TINAG: variants seen among roughly 807,000 people sequenced by gnomAD.
TINAG encodes the protein tubulointerstitial nephritis antigen.
Under a neutral mutation model 72.7 loss-of-function variants are expected in TINAG, and 83 were observed. The observed-to-expected ratio is 1.14, with a 90% confidence interval of 0.96 to 1.37. The LOEUF is 1.37. Ranked by LOEUF, TINAG falls within the 40% of genes most tolerant of loss-of-function variation. The pLI, the probability that TINAG is intolerant of heterozygous loss-of-function variation, is 0.00. For missense variants in TINAG, 685 were observed against 576.6 expected, an observed-to-expected ratio of 1.19 and a Z score of -1.93; for synonymous variants, 234 against 189.9, an observed-to-expected ratio of 1.23 and a Z score of -1.91.
chr6:54,376,586 A>G (rs1052190476), intron 9 of TINAG, among the ~76,000 whole-genome samples: 2 of 152,310 alleles, frequency 1.3e-5, no homozygotes, highest in Middle Eastern at 3.4e-3. Context: ...TTCTGTTCCA[A>G]TAATTTTACT....
chr6:54,344,021 A>T (rs1419591957), intron 5 of TINAG, among the ~76,000 whole-genome samples: 2 of 152,198 alleles, frequency 1.3e-5, no homozygotes, highest in Non-Finnish European at 2.9e-5. Flanking sequence ...AGGTCTCCAA[A>T]ATTGTCCTCA....
intron 9 of TINAG, among the ~76,000 whole-genome samples, chr6:54,379,413 C>T (rs1311361977): frequency 4.6e-5 from 7 of 152,148 alleles, no homozygotes; most frequent in South Asian, 2.1e-4. Context: ...AAATCGTGTA[C>T]GTTTAGGTTT....
At chr6:54,369,328 A>G (rs1450399202) in intron 9 of TINAG, among the ~76,000 whole-genome samples, 1 of 151,934 alleles carries the variant, frequency 6.6e-6, no homozygotes, top group East Asian at 1.9e-4. Flanking sequence ...GTCTATTGAT[A>G]TGGAAAGAAA....
At chr6:54,332,101 G>A (rs183073297) in intron 4 of TINAG, among the ~76,000 whole-genome samples, 13 of 152,192 alleles carry the variant, frequency 8.5e-5, no homozygotes, top group East Asian at 1.9e-4. Flanking sequence ...TTTCTTCACA[G>A]AATTAGAAAA....
intron 3 of TINAG, among the ~76,000 whole-genome samples, 162 bp from the exon 4 acceptor site, chr6:54,326,640 A>T (rs1259618772): frequency 6.6e-6 from 1 of 152,230 alleles, no homozygotes; most frequent in Non-Finnish European, 1.5e-5. Context: ...AAAATAATCA[A>T]TAATGCATCA....
At chr6:54,340,211 A>G (rs1784964200) in intron 4 of TINAG, among the ~76,000 whole-genome samples, 1 of 152,134 alleles carries the variant, frequency 6.6e-6, no homozygotes, top group African/African-American at 2.4e-5. Context: ...GCTAATACTG[A>G]TTTGGAAATA....
chr6:54,368,271 T>C (rs927090449), intron 9 of TINAG, among the ~76,000 whole-genome samples: 2 of 147,766 alleles, frequency 1.4e-5, no homozygotes, highest in East Asian at 2.0e-4. Flanking sequence ...TAATGTATTA[T>C]ATATAACATA....
At chr6:54,311,956 TA>T (rs1398900889) in intron 1 of TINAG, among the ~76,000 whole-genome samples, 2 of 152,234 alleles carry the variant, frequency 1.3e-5, no homozygotes, top group African/African-American at 4.8e-5. Flanking sequence ...CTCTGATTTT[TA>T]AAAATATCCT....
chr6:54,356,150 C>T (rs1357092771), intron 9 of TINAG, among the ~76,000 whole-genome samples: 1 of 151,788 alleles, frequency 6.6e-6, no homozygotes, highest in Non-Finnish European at 1.5e-5. Flanking sequence ...GAACAAGGTG[C>T]TTGCCTTAAT....
At chr6:54,365,347 A>G (rs1347406029) in intron 9 of TINAG, 1 of 151,620 alleles carries the variant, frequency 6.6e-6, no homozygotes, top group Non-Finnish European at 1.5e-5. Context: ...GACTCAAAAT[A>G]TTTAATAATT....
intron 3 of TINAG, among the ~76,000 whole-genome samples, chr6:54,322,142 T>C (rs1435157535): frequency 6.6e-6 from 1 of 151,910 alleles, no homozygotes; most frequent in Non-Finnish European, 1.5e-5. Flanking sequence ...CCATCTCTAC[T>C]AAAAATACAG....
intron 4 of TINAG, among the ~76,000 whole-genome samples, chr6:54,337,726 G>A (rs137884357): frequency 1.2e-4 from 18 of 152,164 alleles, no homozygotes; most frequent in African/African-American, 4.1e-4. Flanking sequence ...GAGCAATAAC[G>A]ACCATTTTCT....
chr6:54,358,922 G>A (rs1329911534), intron 9 of TINAG, among the ~76,000 whole-genome samples: 1 of 151,744 alleles, frequency 6.6e-6, no homozygotes, highest in African/African-American at 2.4e-5. Flanking sequence ...ATCTTAAGGG[G>A]TGTTTCTAGA....
chr6:54,351,383 A>G lies in TINAG; in HGVS notation c.1112A>G (p.Asn371Ser). 6.2e-7 allele frequency: 1 copy of G among 1,610,438 alleles called. No individual in the cohort carries two copies. The highest frequency in any genetic ancestry group is 8.5e-7 in the Non-Finnish European group (1 of 1,177,876). The change falls in exon 8 of 11, where the codon AAT becomes AGT. Residue 371 changes from asparagine (N) to serine (S), a missense_variant. Asn to Ser is a conservative substitution (Grantham distance 46, BLOSUM62 1). Transcript: ENST00000259782. ...GAGATAATGAAAGAAATCATGCAAA[A>G]TGGACCAGTTCAAGGTAAGCTTGAA... The part of the protein sequence containing the change: ...ETEIMKEIMQ[N>S]GPVQAIMQVR...
intron 4 of TINAG, among the ~76,000 whole-genome samples, chr6:54,342,520 C>G (rs567361712): frequency 6.6e-6 from 1 of 152,018 alleles, no homozygotes; most frequent in African/African-American, 2.4e-5. Context: ...AGGTGCCCAC[C>G]ACCATGCCTG....
At chr6:54,376,259 T>A (rs1763774190) in intron 9 of TINAG, among the ~76,000 whole-genome samples, 1 of 152,186 alleles carries the variant, frequency 6.6e-6, no homozygotes, top group Non-Finnish European at 1.5e-5. Flanking sequence ...ATTTATATTC[T>A]TGTTTTTCAT....
At chr6:54,357,221 T>TC (rs1335022060) in intron 9 of TINAG, among the ~76,000 whole-genome samples, 2 of 151,900 alleles carry the variant, frequency 1.3e-5, no homozygotes, top group Non-Finnish European at 2.9e-5. Context: ...TGCTGCATTT[T>TC]CCCCCCTGTA....
chr6:54,386,724 G>T (rs1197326657), intron 10 of TINAG, among the ~76,000 whole-genome samples: 13 of 143,752 alleles, frequency 9.0e-5, no homozygotes, highest in African/African-American at 3.3e-4. Context: ...ATATACATAT[G>T]AAAAAAAAAA....
chr6:54,355,672 G>A (rs545857293), intron 9 of TINAG, among the ~76,000 whole-genome samples: 2 of 151,424 alleles, frequency 1.3e-5, no homozygotes, highest in African/African-American at 4.8e-5. Flanking sequence ...TGATTTTCAT[G>A]TTAATGTAGG....
Sources: gnomAD v4.1 joint callset for allele counts (sites outside exome capture counted in the v4.1 genomes callset) on GRCh38, gnomAD v4.1.1 for gene constraint, MANE v1.5 for transcripts, NCBI Gene and HGNC (gene_info 2026-07-23, HGNC 2026-07-21) for gene names.